The following VSIG8 variants were observed in gnomAD, a reference collection of about 807,000 sequenced individuals.
VSIG8 encodes V-set and immunoglobulin domain containing 8, also known as V-set and immunoglobulin domain-containing protein 8.
In VSIG8, 32 loss-of-function variants were observed where a neutral mutation model predicts 42.6. That is an observed-to-expected ratio of 0.75 (90% confidence interval 0.57 to 1.01). The LOEUF (loss-of-function observed/expected upper bound fraction) is 1.01, where lower values mean the gene tolerates loss of function less well. Among genes scored for constraint, VSIG8 ranks in the 50% least tolerant of loss-of-function variants. The pLI, the probability that VSIG8 is intolerant of heterozygous loss-of-function variation, is 0.00. For missense variants in VSIG8, 529 were observed against 558.0 expected, an observed-to-expected ratio of 0.95 and a Z score of 0.52; for synonymous variants, 290 against 243.8, an observed-to-expected ratio of 1.19 and a Z score of -1.77.
chr1:159,855,166 CTCGA>C, intron 6 of VSIG8, 140 bp from the exon 7 acceptor site: 1 of 1,551,698 alleles, frequency 6.4e-7, no homozygotes, highest in Non-Finnish European at 8.7e-7. Flanking sequence ...CTCCCTCGGC[CTCGA>C]CCTACTGTCC....
intron 6 of VSIG8, chr1:159,855,364 A>G: frequency 6.9e-7 from 1 of 1,451,122 alleles, no homozygotes; most frequent in Non-Finnish European, 9.1e-7. Flanking sequence ...TTCTTTCCTT[A>G]GCTAATCCTG....
intron 1 of VSIG8, 80 bp downstream of exon 1, chr1:159,862,393 C>A: frequency 2.0e-6 from 3 of 1,474,358 alleles, no homozygotes; most frequent in Non-Finnish European, 2.8e-6. Flanking sequence ...CAGCCCCAGG[C>A]TCCACTGTGA....
At chr1:159,861,785 A>C (rs1205010022) in intron 1 of VSIG8, 1 of 152,246 alleles carries the variant, frequency 6.6e-6, no homozygotes, top group South Asian at 2.1e-4. Context: ...ACAATGTCCA[A>C]ACTTGAGCCC....
Position 159,854,829 on chromosome 1 carries a change from T to C in VSIG8, c.1169A>G (p.Tyr390Cys). The change falls in exon 7 of 7, where the codon TAC (tyrosine) becomes TGC (cysteine). Residue 390 changes from tyrosine (Y) to cysteine (C), a missense_variant. Tyr to Cys is a radical substitution (Grantham distance 194). Transcript: ENST00000368100. ...CGGCTCCGCGCTCTTGACCTTGACG[T>C]AGACCGGGGAGGGGCCCGCTTCGCA... ...AACEAGPSPV[Y>C]VKVKSAEPAD... The C allele has an allele frequency of 6.7e-7, 1 of 1,496,960 alleles. No homozygotes were observed. Among genetic ancestry groups the C allele is most frequent in the Non-Finnish European group, 8.8e-7 (1 of 1,130,930 alleles). 92.7% of individuals were successfully genotyped at this position (1,496,960 alleles called of 1,614,324 possible). A position where few individuals can be genotyped will look rare whatever the true frequency, so the allele number is the denominator to read the frequency against.
chr1:159,858,209 G>A lies in VSIG8; in HGVS notation c.311C>T (p.Pro104Leu). ...QQRVRFAASD[P>L]SQYDASINLM... is the part of the protein sequence containing the mutation. ...GTTGATGGAGGCATCGTACTGGCTT[G>A]GGTCTGAGGCTGCAAAGCGGACCCT... The change falls in exon 3 of 7, where the codon CCA (proline) becomes CTA (leucine). Residue 104 changes from proline (P) to leucine (L), a missense_variant. By Grantham distance (98) the Pro-to-Leu change is moderately conservative (BLOSUM62 -3). Coordinates refer to ENST00000368100, the MANE Select transcript of VSIG8 (RefSeq NM_001013661.1). 1.2e-6 allele frequency: 2 copies of A among 1,614,182 alleles called. No homozygotes were observed. Among genetic ancestry groups the A allele is most frequent in the Non-Finnish European group, 1.7e-6 (2 of 1,180,036 alleles).
chr1:159,856,714 G>A, intron 4 of VSIG8, 71 bp from the exon 5 acceptor site: 2 of 1,577,456 alleles, frequency 1.3e-6, no homozygotes, highest in Non-Finnish European at 1.7e-6. Context: ...GTGGGGTGGG[G>A]GATGGGACAC....
chr1:159,862,186 G>T, intron 1 of VSIG8: 1 of 377,488 alleles, frequency 2.6e-6, no homozygotes, highest in Non-Finnish European at 4.7e-6. Context: ...TCCTAGTCAC[G>T]GCATGAGCTT....
At chr1:159,857,192 C>T (rs751166565) in intron 4 of VSIG8, among the ~76,000 whole-genome samples, 8 of 152,242 alleles carry the variant, frequency 5.3e-5, no homozygotes, top group Non-Finnish European at 1.2e-4. Context: ...AGGATTCAAG[C>T]CCAGCTCTGT....
In VSIG8 at chr1:159,854,854, A is replaced by G; in HGVS notation, c.1144T>C (p.Cys382Arg). Residue 382 changes from cysteine to arginine, a missense_variant, in exon 7 of 7, where the codon TGC (cysteine) becomes CGC (arginine). Coordinates refer to ENST00000368100, the MANE Select transcript of VSIG8 (RefSeq NM_001013661.1). ...ALAPCTAAAACEAGPSPVYVK... is the reference protein window; with the variant it reads ...ALAPCTAAAAREAGPSPVYVK... ...TAGACCGGGGAGGGGCCCGCTTCGC[A>G]GGCGGCGGCGGCGGTGCAGGGCGCC... 6.8e-7 allele frequency: 1 copy of G among 1,479,212 alleles called. No individual in the cohort carries two copies. 91.6% of individuals were successfully genotyped at this position (1,479,212 alleles called of 1,614,324 possible). A position where few individuals can be genotyped will look rare whatever the true frequency, so the allele number is the denominator to read the frequency against.
intron 1 of VSIG8, chr1:159,862,077 T>G: frequency 4.7e-6 from 1 of 211,080 alleles, no homozygotes; most frequent in Non-Finnish European, 9.4e-6. Flanking sequence ...CTGATGAAAA[T>G]TGATCCTTCC....
chr1:159,862,119 G>T (rs556226259), intron 1 of VSIG8: 1 of 272,600 alleles, frequency 3.7e-6, no homozygotes, highest in African/African-American at 2.2e-5. Context: ...CCCAATGCCC[G>T]TGCTTACCCC....
chr1:159,859,188 G>A (rs553661750), intron 1 of VSIG8, among the ~76,000 whole-genome samples: 39 of 152,308 alleles, frequency 2.6e-4, no homozygotes, highest in Non-Finnish European at 4.3e-4. Flanking sequence ...ATATGTACAC[G>A]TATGTACATT....
In VSIG8 at chr1:159,857,978, C is replaced by A; in HGVS notation, c.431-12G>T. Reference sequence around the variant, plus strand: ...CACTGCAGGTCGTGCTGCAAGGAGGCAGACAATTGTAAGCCAGGGCCCAGC... The same window carrying A: ...CACTGCAGGTCGTGCTGCAAGGAGGAAGACAATTGTAAGCCAGGGCCCAGC... On this transcript the variant is annotated splice_polypyrimidine_tract_variant and intron_variant, in intron 3 of 6. Coordinates refer to ENST00000368100, the MANE Select transcript of VSIG8 (RefSeq NM_001013661.1). The A allele has an allele frequency of 6.2e-7, 1 of 1,613,034 alleles. No individual in the cohort carries two copies. Among genetic ancestry groups the A allele is most frequent in the East Asian group, 2.2e-5 (1 of 44,872 alleles).
chr1:159,861,397 G>A (rs1649017258), intron 1 of VSIG8: 1 of 152,074 alleles, frequency 6.6e-6, no homozygotes, highest in East Asian at 1.9e-4. Context: ...CCAGCTGAGG[G>A]TATTGATGCG....
chr1:159,858,603 C>T, intron 2 of VSIG8, 131 bp downstream of exon 2: 2 of 1,009,296 alleles, frequency 2.0e-6, no homozygotes, highest in Non-Finnish European at 2.8e-6. Flanking sequence ...GAGCTCTCAT[C>T]CCCATTGCCT....
chr1:159,861,498 C>G (rs556089314), intron 1 of VSIG8: 1 of 152,136 alleles, frequency 6.6e-6, no homozygotes, highest in African/African-American at 2.4e-5. Context: ...CTGGAGCCTC[C>G]CGAGTGGACT....
chr1:159,856,771 C>CCA (rs34019182), intron 4 of VSIG8, 128 bp from the exon 5 acceptor site: 220,988 of 879,630 alleles, frequency 0.25, 17,325 homozygotes, highest in African/African-American at 0.5. Context: ...ACACCCACAC[C>CCA]CACACACACA....
chr1:159,854,951 C>A lies in VSIG8; in HGVS notation c.1047G>T (p.Thr349=). 6.5e-7 allele frequency: 1 copy of A among 1,535,826 alleles called. No individual in the cohort carries two copies. The highest frequency in any genetic ancestry group is 8.7e-7 in the Non-Finnish European group (1 of 1,148,828). ...GGCGCAGGGAGCGGCTGACGTTCTG[C>A]GTCGGGTACCCCAGGAGGTGGGTGA... is the stretch of plus-strand genomic sequence containing the variant. ...SRVTHLLGYP[T]QNVSRSLRRK... The change falls in exon 7 of 7, where the codon ACG becomes ACT. Residue 349 remains threonine (T), a synonymous_variant. Transcript: ENST00000368100.
chr1:159,859,287 A>G (rs543192166), intron 1 of VSIG8, among the ~76,000 whole-genome samples: 1 of 152,288 alleles, frequency 6.6e-6, no homozygotes, highest in African/African-American at 2.4e-5. Flanking sequence ...ATATATTTAT[A>G]TGATAGTGTG....
Sources: gnomAD v4.1 joint callset for allele counts (sites outside exome capture counted in the v4.1 genomes callset) on GRCh38, gnomAD v4.1.1 for gene constraint, MANE v1.5 for transcripts, NCBI Gene and HGNC (gene_info 2026-07-23, HGNC 2026-07-21) for gene names.